The following TEX14 variants were observed in gnomAD, a reference collection of about 807,000 sequenced individuals.
The protein encoded by TEX14 is testis expressed 14, intercellular bridge forming factor.
Under a neutral mutation model 178.6 loss-of-function variants are expected in TEX14, and 168 were observed. That is an observed-to-expected ratio of 0.94 (90% CI 0.83 to 1.07). TEX14 has a LOEUF of 1.07. TEX14 is among the 50% of genes least tolerant of loss of function. The probability of loss-of-function intolerance (pLI) is 0.00; values close to 1 mark genes in which losing one functional copy is unlikely to be tolerated. For missense variants in TEX14, 1,730 were observed against 1,753.6 expected (o/e 0.99, Z 0.24); for synonymous variants, 626 against 634.1 (o/e 0.99, Z 0.19).
At position 58,666,068 on chromosome 17, in the gene TEX14, G is replaced by A. The variant is rs371592059; in HGVS notation, c.-1-14066C>T. ...TCTCAAAAAAAAAAAAAAAAATTGG[G>A]TGCCATGGCTCACGCCTGTAATTCC... On this transcript the variant is annotated intron_variant, in intron 1 of 31. Transcript: ENST00000349033. Among the ~76,000 whole-genome samples, 5 of 151,696 alleles carry A rather than the reference G, an allele frequency of 3.3e-5. No individual in the cohort carries two copies. In the East Asian group the frequency reaches 7.8e-4, roughly 24 times the overall value.
chr17:58,617,343 A>G (rs1052331959), intron 6 of TEX14, among the ~76,000 whole-genome samples, 195 bp downstream of exon 6: 4 of 152,186 alleles, frequency 2.6e-5, no homozygotes, highest in African/African-American at 7.2e-5. Flanking sequence ...ATCCAAGGGA[A>G]TTCTCTGGGG....
intron 11 of TEX14, among the ~76,000 whole-genome samples, 179 bp downstream of exon 11, chr17:58,604,799 G>C (rs1645781168): frequency 6.6e-6 from 1 of 152,128 alleles, no homozygotes; most frequent in African/African-American, 2.4e-5. Context: ...GACTTCAGGT[G>C]ATCCACCCGC....
chr17:58,679,555 A>T (rs2047460749), intron 1 of TEX14: 2 of 152,250 alleles, frequency 1.3e-5, no homozygotes, highest in Non-Finnish European at 2.9e-5. Flanking sequence ...AGTCCCCACT[A>T]CCACAAATTA....
chr17:58,611,016 A>ACCCTGTC, intron 10 of TEX14, 145 bp downstream of exon 10: 1 of 628,534 alleles, frequency 1.6e-6, no homozygotes, highest in Non-Finnish European at 2.8e-6. Flanking sequence ...CAGACAGGGT[A>ACCCTGTC]AGGCATTTGG....
intron 1 of TEX14, among the ~76,000 whole-genome samples, chr17:58,657,501 GCT>G (rs1491474427): frequency 1.0e-5 from 1 of 98,458 alleles, no homozygotes; most frequent in African/African-American, 4.1e-5. Context: ...TACGGGAAAT[GCT>G]TTTTTTTTTT....
intron 5 of TEX14, among the ~76,000 whole-genome samples, chr17:58,621,075 T>C (rs2045986942): frequency 6.6e-6 from 1 of 152,014 alleles, no homozygotes; most frequent in Admixed American, 6.6e-5. Context: ...AAACCCTAAG[T>C]CAACCAATCC....
intron 20 of TEX14, among the ~76,000 whole-genome samples, chr17:58,579,030 C>T (rs574359116): frequency 6.6e-6 from 1 of 152,204 alleles, no homozygotes; most frequent in Admixed American, 6.5e-5. Flanking sequence ...AAAAATGTAA[C>T]AAAGCCAACA....
rs915770430 is a variant in TEX14, at chr17:58,587,790, T to C, written c.2702+106A>G. 7.5e-6 allele frequency: 9 copies of C among 1,199,078 alleles called. No individual in the cohort carries two copies. The South Asian group carries it at 1.0e-4, about 13-fold the overall frequency. The allele number at this position is 1,199,078 out of a possible 1,614,324, so 74.3% of individuals were successfully genotyped here. On this transcript the variant is annotated intron_variant, in intron 16 of 31. Transcript: ENST00000349033. Reference sequence around the variant, plus strand: ...TCCAGAGGACCTGTTCCCTACTCCCTAAGCCATTCCTAGAGTTGCACTGAC... The same window carrying C: ...TCCAGAGGACCTGTTCCCTACTCCCCAAGCCATTCCTAGAGTTGCACTGAC...
intron 14 of TEX14, among the ~76,000 whole-genome samples, chr17:58,597,259 C>T (rs906480776): frequency 1.3e-5 from 2 of 151,944 alleles, no homozygotes; most frequent in African/African-American, 4.8e-5. Flanking sequence ...ATTAGCCAGG[C>T]ATGGTGGCAC....
intron 2 of TEX14, among the ~76,000 whole-genome samples, chr17:58,648,786 C>CTTTT (rs34918333): frequency 1.1e-4 from 10 of 89,724 alleles, no homozygotes; most frequent in Non-Finnish European, 1.3e-4. Flanking sequence ...CTTTTTTTTT[C>CTTTT]TTTTTTTTTT....
Position 58,598,928 on chromosome 17 carries a change from T to C in TEX14, c.2417A>G (p.Gln806Arg). 1.9e-6 allele frequency: 3 copies of C among 1,614,086 alleles called. No homozygotes were observed. The highest frequency in any genetic ancestry group is 1.7e-6 in the Non-Finnish European group (2 of 1,179,976). ...GTAGTTGCCACTGGTGTCTGGCTTC[T>C]GACCCCCTGAAAGCTGTAGGACAGG... ...IPPVLQLSGG[Q>R]KPDTSGNYPT... Residue 806 changes from glutamine to arginine, a missense_variant, in exon 14 of 32, where the codon CAG becomes CGG. This residue lies in a region of TEX14 where 941 missense variants were observed against 1,072.4 expected (regional missense o/e 0.88). Coordinates refer to ENST00000349033, the MANE Select transcript of TEX14 (RefSeq NM_031272.5).
chr17:58,670,791 A>G (rs2143472806), intron 1 of TEX14, among the ~76,000 whole-genome samples: 1 of 151,164 alleles, frequency 6.6e-6, no homozygotes, highest in African/African-American at 2.4e-5. Context: ...AAAAAAAAAA[A>G]AAAAAAAAAG....
intron 6 of TEX14, among the ~76,000 whole-genome samples, chr17:58,617,301 T>A (rs1348703976): frequency 1.3e-5 from 2 of 152,132 alleles, no homozygotes; most frequent in African/African-American, 4.8e-5. Flanking sequence ...AATGAAAAGA[T>A]CATTTTCTAA....
intron 15 of TEX14, among the ~76,000 whole-genome samples, chr17:58,589,166 G>C (rs2045057799): frequency 6.6e-6 from 1 of 152,026 alleles, no homozygotes; most frequent in Non-Finnish European, 1.5e-5. Flanking sequence ...AGGTGGCTGA[G>C]GCATGAGAAT....
At chr17:58,642,893 C>A (rs1019133073) in intron 2 of TEX14, among the ~76,000 whole-genome samples, 2 of 152,132 alleles carry the variant, frequency 1.3e-5, no homozygotes, top group African/African-American at 2.4e-5. Flanking sequence ...CCTTCCTTGA[C>A]CTCCATAAAT....
chr17:58,623,067 G>T, intron 3 of TEX14, 55 bp from the exon 4 acceptor site: 1 of 1,530,476 alleles, frequency 6.5e-7, no homozygotes, highest in Non-Finnish European at 8.9e-7. Context: ...TGCATTCCAT[G>T]GAGCGGGGCT....
chr17:58,582,460 T>C (rs979167792), intron 19 of TEX14, among the ~76,000 whole-genome samples: 5 of 152,036 alleles, frequency 3.3e-5, no homozygotes, highest in Non-Finnish European at 5.9e-5. Flanking sequence ...GGTTTCACTA[T>C]GGTGGCCAAA....
intron 1 of TEX14, among the ~76,000 whole-genome samples, chr17:58,690,008 C>A (rs1009060322): frequency 1.3e-5 from 2 of 151,832 alleles, no homozygotes; most frequent in African/African-American, 4.8e-5. Context: ...CACCACCGCA[C>A]CCAGCTAATT....
chr17:58,569,237 T>C lies in TEX14; in HGVS notation c.3841A>G (p.Ile1281Val), dbSNP rs747403285. ...PKVEAFSQHHIDELPPPSQEL... is the reference protein window; with the variant it reads ...PKVEAFSQHHVDELPPPSQEL... ...TGAGATGGTGGTGGCAGCTCATCAA[T>C]GTGATGCTGTGAGAAGGCTTCTACT... Residue 1281 changes from isoleucine (I) to valine (V), a missense_variant, in exon 26 of 32, where the codon ATT becomes GTT. Physicochemically the swap from Ile to Val is conservative, Grantham distance 29 (BLOSUM62 3). Coordinates refer to ENST00000349033, the MANE Select transcript of TEX14 (RefSeq NM_031272.5). The surrounding 1 kb of genome is among the most constrained non-coding windows in gnomAD (Gnocchi z 4.1). 6.2e-7 allele frequency: 1 copy of C among 1,613,958 alleles called. No homozygotes were observed. The highest frequency in any genetic ancestry group is 1.3e-5 in the African/African-American group (1 of 74,914).
Sources: allele counts gnomAD v4.1 joint callset (sites outside exome capture counted in the v4.1 genomes callset), GRCh38; gene constraint gnomAD v4.1.1; regional missense constraint gnomAD v4.1.1; non-coding constraint Gnocchi (gnomAD v3.1); transcripts MANE v1.5; gene names NCBI Gene and HGNC (gene_info 2026-07-23, HGNC 2026-07-21).